The following EYS variants were observed in gnomAD, a reference collection of about 807,000 sequenced individuals.
The protein encoded by EYS is EGF-like photoreceptor maintenance factor.
A neutral mutation model predicts 282.1 loss-of-function variants in EYS; 250 were observed. The observed-to-expected ratio is 0.89, with a 90% CI of 0.80 to 0.98. The LOEUF is 0.98. Ranked by LOEUF, EYS falls within the 50% of genes least tolerant of loss-of-function variation. The pLI is 0.00. For missense variants in EYS, 4,016 were observed against 3,709.0 expected, an observed-to-expected ratio of 1.08 and a Z score of -2.15; for synonymous variants, 1,355 against 1,282.9, an observed-to-expected ratio of 1.06 and a Z score of -1.20.
intron 5 of EYS, among the ~76,000 whole-genome samples, chr6:65,463,707 G>A (rs1055629521): frequency 2.6e-5 from 4 of 152,086 alleles, no homozygotes; most frequent in African/African-American, 7.2e-5. Flanking sequence ...GAAAATAAAC[G>A]TTGAGTTTAA....
intron 21 of EYS, among the ~76,000 whole-genome samples, chr6:64,817,676 T>C (rs1583189193): frequency 1.3e-5 from 2 of 152,296 alleles, no homozygotes; most frequent in Admixed American, 1.3e-4. Context: ...AATGTTTAGC[T>C]GTCACTTATA....
chr6:64,993,117 T>G (rs1771125690), intron 14 of EYS, among the ~76,000 whole-genome samples: 1 of 152,064 alleles, frequency 6.6e-6, no homozygotes, highest in South Asian at 2.1e-4. Flanking sequence ...CTGTTCCCCA[T>G]TAATTCTGGA....
chr6:64,582,411 C>A (rs139718089), intron 26 of EYS, among the ~76,000 whole-genome samples: 1 of 152,028 alleles, frequency 6.6e-6, no homozygotes, highest in Non-Finnish European at 1.5e-5. Flanking sequence ...CATCCCCTAG[C>A]CCCCCATGGA....
chr6:65,694,271 A>C (rs1320984695), intron 1 of EYS, among the ~76,000 whole-genome samples: 1 of 147,848 alleles, frequency 6.8e-6, no homozygotes, highest in Non-Finnish European at 1.5e-5. Context: ...AAAAAATAAA[A>C]AATAAAAAAA....
chr6:65,289,343 G>T (rs1768457541), intron 12 of EYS, among the ~76,000 whole-genome samples: 1 of 150,786 alleles, frequency 6.6e-6, no homozygotes, highest in Admixed American at 6.6e-5. Context: ...ATACATTTAT[G>T]TTTATTATAA....
chr6:63,761,621 CA>C (rs1181821747), intron 41 of EYS, among the ~76,000 whole-genome samples: 1 of 151,844 alleles, frequency 6.6e-6, no homozygotes, highest in African/African-American at 2.4e-5. Context: ...GGATATAGCA[CA>C]ATTGGTGATT....
chr6:64,951,224 T>C lies in EYS; in HGVS notation c.2260-5310A>G, dbSNP rs569313332. ...GTGCAAGGAAGATAAAAGTTGGAGT[T>C]TAGGGCCAGCAATATCTTACAGTCT... On this transcript the variant is annotated intron_variant, in intron 14 of 42. Transcript: ENST00000503581. 5.9e-5 allele frequency among the ~76,000 whole-genome samples: 9 copies of C among 151,984 alleles called. No homozygotes were observed. In the South Asian group the frequency reaches 1.9e-3, roughly 32 times the overall value.
Position 65,495,663 on chromosome 6 carries a change from T to C in EYS, c.-197-56A>G, listed in dbSNP as rs1255911796. On this transcript the variant is annotated intron_variant, in intron 3 of 42. Coordinates refer to ENST00000503581, the MANE Select transcript of EYS (RefSeq NM_001142800.2). Reference sequence around the variant, plus strand: ...TGAAGTTTTCCCTAAATTAATAATATAGAAAATGCTAGCTCTTTTTGTGGA... The same window carrying C: ...TGAAGTTTTCCCTAAATTAATAATACAGAAAATGCTAGCTCTTTTTGTGGA... 2.4e-5 allele frequency: 13 copies of C among 544,700 alleles called. 1 individual carries two copies. The highest frequency in any genetic ancestry group is 4.9e-4 in the Middle Eastern group (1 of 2,038). 33.7% of individuals were successfully genotyped at this position (544,700 alleles called of 1,614,324 possible).
At chr6:65,529,942 G>C (rs1767701125) in intron 2 of EYS, among the ~76,000 whole-genome samples, 1 of 152,080 alleles carries the variant, frequency 6.6e-6, no homozygotes, top group South Asian at 2.1e-4. Flanking sequence ...ATTTTCTGTT[G>C]TTTAGAAGCC....
chr6:65,455,553 A>C (rs1080460), intron 5 of EYS, among the ~76,000 whole-genome samples: 28,121 of 152,112 alleles, frequency 0.18, 3,238 homozygotes, highest in Middle Eastern at 0.29. Context: ...AAGTAAAATC[A>C]GGTGAAAAAT....
At chr6:64,553,916 A>G (rs938509681) in intron 26 of EYS, among the ~76,000 whole-genome samples, 1 of 152,094 alleles carries the variant, frequency 6.6e-6, no homozygotes, top group African/African-American at 2.4e-5. Context: ...ATTTCTTACT[A>G]TAAGACTTTA....
intron 30 of EYS, among the ~76,000 whole-genome samples, chr6:64,287,414 G>A (rs1344873929): frequency 6.6e-6 from 1 of 152,046 alleles, no homozygotes; most frequent in Non-Finnish European, 1.5e-5. Flanking sequence ...ATAAAAATGA[G>A]TACAAAATAT....
chr6:63,754,343 GC>G (rs1025582320), intron 41 of EYS, among the ~76,000 whole-genome samples: 2 of 151,512 alleles, frequency 1.3e-5, no homozygotes, highest in African/African-American at 2.4e-5. Context: ...CCCTCCCCCA[GC>G]CCCCCACTCC....
intron 22 of EYS, among the ~76,000 whole-genome samples, chr6:64,660,767 G>A (rs558286179): frequency 8.5e-5 from 13 of 152,216 alleles, no homozygotes; most frequent in African/African-American, 3.1e-4. Context: ...AACATTCCAC[G>A]CTCATGGGTA....
At chr6:65,291,406 T>G (rs1252307409) in intron 12 of EYS, among the ~76,000 whole-genome samples, 1 of 151,554 alleles carries the variant, frequency 6.6e-6, no homozygotes, top group African/African-American at 2.4e-5. Flanking sequence ...CTCACATGTT[T>G]TTTTTGATTT....
intron 35 of EYS, among the ~76,000 whole-genome samples, chr6:63,935,904 T>C (rs1000257317): frequency 3.9e-5 from 6 of 152,198 alleles, no homozygotes; most frequent in African/African-American, 1.4e-4. Context: ...AACTTTTTTA[T>C]GGTCAAACAG....
At chr6:65,540,409 T>A (rs1277221932) in intron 2 of EYS, among the ~76,000 whole-genome samples, 1 of 152,132 alleles carries the variant, frequency 6.6e-6, no homozygotes, top group African/African-American at 2.4e-5. Flanking sequence ...TGCAAGCAGA[T>A]AAAAACATGC....
rs188093810 is a variant in EYS, at chr6:64,439,254, T to C, written c.5743A>G (p.Ser1915Gly). The C allele has an allele frequency of 2.0e-3, 2,997 of 1,515,342 alleles. 7 individuals carry two copies. Among genetic ancestry groups the C allele is most frequent in the Non-Finnish European group, 2.5e-3 (2,795 of 1,131,538 alleles). 93.9% of individuals were successfully genotyped at this position (1,515,342 alleles called of 1,614,324 possible). Reference protein sequence around the residue: ...NNISLEFQTFSSYGLLLYVKQ... With the variant: ...NNISLEFQTFGSYGLLLYVKQ... Reference sequence around the variant, plus strand: ...ACATACAGCAGAAGTCCATAGGAGCTGAAGGTCTGAAATTCTAGGGAGATG... The same window carrying C: ...ACATACAGCAGAAGTCCATAGGAGCCGAAGGTCTGAAATTCTAGGGAGATG... Residue 1915 changes from serine to glycine, a missense_variant, in exon 27 of 43, where the codon AGC becomes GGC. Transcript: ENST00000503581.
chr6:64,565,727 A>T (rs1765544880), intron 26 of EYS, among the ~76,000 whole-genome samples: 1 of 152,118 alleles, frequency 6.6e-6, no homozygotes, highest in Non-Finnish European at 1.5e-5. Flanking sequence ...TGTATTGTAT[A>T]CTTGAAATTT....
Sources: allele counts gnomAD v4.1 joint callset (sites outside exome capture counted in the v4.1 genomes callset), GRCh38; gene constraint gnomAD v4.1.1; transcripts MANE v1.5; gene names NCBI Gene and HGNC (gene_info 2026-07-23, HGNC 2026-07-21).